NEGR1: variants seen among roughly 807,000 people sequenced by gnomAD.
NEGR1 encodes the protein neuronal growth regulator 1.
NEGR1 carries 10 observed loss-of-function variants against 40.9 expected under a neutral mutation model. The ratio of observed to expected loss-of-function variants is 0.24; its 90% CI spans 0.15 to 0.42. NEGR1 has a LOEUF of 0.42. Among genes scored for constraint, NEGR1 ranks in the 10% least tolerant of loss-of-function variants. The pLI is 1.00. For synonymous variants in NEGR1, 185 were observed against 166.8 expected, an observed-to-expected ratio of 1.11 and a Z score of -0.84; for missense variants, 352 against 438.9, an observed-to-expected ratio of 0.80 and a Z score of 1.77.
chr1:72,176,115 A>G (rs1652154616), intron 1 of NEGR1, among the ~76,000 whole-genome samples: 1 of 152,086 alleles, frequency 6.6e-6, no homozygotes, highest in Non-Finnish European at 1.5e-5. Flanking sequence ...TTAATAGGAA[A>G]GTTAATACAA....
At chr1:71,781,595 T>C (rs1400563601) in intron 2 of NEGR1, among the ~76,000 whole-genome samples, 2 of 152,164 alleles carry the variant, frequency 1.3e-5, no homozygotes, top group Admixed American at 6.5e-5. Flanking sequence ...ATCTGGCTCA[T>C]AAACACTCAC....
chr1:71,720,920 T>C (rs1654489132), intron 3 of NEGR1, among the ~76,000 whole-genome samples: 2 of 152,126 alleles, frequency 1.3e-5, no homozygotes, highest in African/African-American at 4.8e-5. Flanking sequence ...CTTGGAACAA[T>C]GAGGCCAATA....
At chr1:71,437,096 A>T (rs1378077157) in intron 6 of NEGR1, among the ~76,000 whole-genome samples, 2 of 150,046 alleles carry the variant, frequency 1.3e-5, no homozygotes, top group Admixed American at 6.6e-5. Flanking sequence ...CACTATAGGT[A>T]CCTGGCTCAG....
chr1:71,866,027 T>A (rs917790688), intron 2 of NEGR1, among the ~76,000 whole-genome samples: 1 of 152,164 alleles, frequency 6.6e-6, no homozygotes, highest in Non-Finnish European at 1.5e-5. Context: ...TAAAGTATAC[T>A]ATAATTTTCC....
intron 1 of NEGR1, among the ~76,000 whole-genome samples, chr1:72,163,763 TA>T (rs1326201680): frequency 0.027 from 2,730 of 102,562 alleles, 43 homozygotes; most frequent in African/African-American, 0.058. Flanking sequence ...GATAGATAGA[TA>T]TAGATTTAGA....
intron 6 of NEGR1, among the ~76,000 whole-genome samples, chr1:71,565,961 G>T (rs1396455042): frequency 1.3e-5 from 2 of 152,056 alleles, no homozygotes; most frequent in African/African-American, 4.8e-5. Flanking sequence ...CTGACACACA[G>T]AGAAGGCCAT....
In NEGR1 at chr1:71,478,875, C is replaced by A. The variant is rs139303913; in HGVS notation, c.941-71305G>T. ...GGATGATAGATAGGGAAAAAAAAATCTTTCAGTGACACATAGAGTGACACT... is the reference window on the plus strand; with the variant it reads ...GGATGATAGATAGGGAAAAAAAAATATTTCAGTGACACATAGAGTGACACT... On this transcript the variant is annotated intron_variant, in intron 6 of 6. Coordinates refer to ENST00000357731, the MANE Select transcript of NEGR1 (RefSeq NM_173808.3). Among the ~76,000 whole-genome samples the A allele has an allele frequency of 2.2e-3, 328 of 151,984 alleles. 1 individual carries two copies. Among genetic ancestry groups the A allele is most frequent in the African/African-American group, 7.4e-3 (308 of 41,458 alleles).
intron 6 of NEGR1, chr1:71,477,560 T>C (rs1279732744): frequency 6.6e-6 from 1 of 152,318 alleles, no homozygotes; most frequent in Admixed American, 6.6e-5. Context: ...TTCTCTGCTT[T>C]GCTGGGACTT....
At chr1:72,027,042 C>T (rs1182754281) in intron 1 of NEGR1, among the ~76,000 whole-genome samples, 1 of 152,150 alleles carries the variant, frequency 6.6e-6, no homozygotes, top group Non-Finnish European at 1.5e-5. Flanking sequence ...TCTCCCGCCT[C>T]AACGTCCAGA....
chr1:71,724,537 G>A (rs1408601096), intron 3 of NEGR1, among the ~76,000 whole-genome samples: 1 of 152,046 alleles, frequency 6.6e-6, no homozygotes, highest in Non-Finnish European at 1.5e-5. Flanking sequence ...GATGGCATAT[G>A]TTGTTAGTTT....
Position 72,047,215 on chromosome 1 carries a change from T to C in NEGR1, c.177-111904A>G, listed in dbSNP as rs111371318. Among the ~76,000 whole-genome samples the C allele has an allele frequency of 3.3e-3, 495 of 151,428 alleles. 3 individuals carry two copies. Among genetic ancestry groups the C allele is most frequent in the African/African-American group, 0.011 (475 of 41,438 alleles). ...TCCATTTCAGTAAGCATTTCAAGCA[T>C]ACAAGGAAAAGATGAGATTTAATAT... On this transcript the variant is annotated intron_variant, in intron 1 of 6. Coordinates refer to ENST00000357731, the MANE Select transcript of NEGR1 (RefSeq NM_173808.3).
intron 1 of NEGR1, among the ~76,000 whole-genome samples, chr1:72,036,597 A>G (rs1479424502): frequency 6.6e-6 from 1 of 150,940 alleles, no homozygotes; most frequent in Admixed American, 6.6e-5. Flanking sequence ...CGGAGGTTGC[A>G]GTGAGCCGAG....
chr1:72,235,266 G>A (rs1654511070), intron 1 of NEGR1, among the ~76,000 whole-genome samples: 1 of 152,096 alleles, frequency 6.6e-6, no homozygotes, highest in Admixed American at 6.6e-5. Flanking sequence ...AACATATAAT[G>A]TGGTTACAAC....
At chr1:72,212,000 G>T (rs1215832677) in intron 1 of NEGR1, among the ~76,000 whole-genome samples, 1 of 151,874 alleles carries the variant, frequency 6.6e-6, no homozygotes. Context: ...AAATATGTAA[G>T]TGTAGAATAC....
At chr1:72,018,579 C>T (rs1430845941) in intron 1 of NEGR1, among the ~76,000 whole-genome samples, 1 of 152,090 alleles carries the variant, frequency 6.6e-6, no homozygotes, top group Non-Finnish European at 1.5e-5. Context: ...GGGTAAAAAA[C>T]ATCCAAACTG....
rs1289274808 is a variant in NEGR1 at position 72,069,580 on chromosome 1, CTT to C, written c.177-134271_177-134270del. Reference sequence around the variant, plus strand: ...TGAAATGGATATCCACTATCTCTCTCTTACACACACACATGCACACATAGAAC... The same window carrying C: ...TGAAATGGATATCCACTATCTCTCTCACACACACACATGCACACATAGAAC... On this transcript the variant is annotated intron_variant, in intron 1 of 6. Transcript: ENST00000357731. 5.3e-5 allele frequency among the ~76,000 whole-genome samples: 8 copies of C among 152,262 alleles called. No individual in the cohort carries two copies. The East Asian group carries it at 1.4e-3, about 26-fold the overall frequency.
Position 71,933,176 on chromosome 1 carries a change from CA to C in NEGR1, c.409+1902del, listed in dbSNP as rs373175744. ...AAGTTCACCATCGTCTAATGACCAGCAAAAAAGAGTACTATAGTAAGACATG... is the reference window on the plus strand; with the variant it reads ...AAGTTCACCATCGTCTAATGACCAGCAAAAAGAGTACTATAGTAAGACATG... On this transcript the variant is annotated intron_variant, in intron 2 of 6. Transcript: ENST00000357731. Among the ~76,000 whole-genome samples, 51 of 151,682 alleles carry C rather than the reference CA, an allele frequency of 3.4e-4. 1 individual carries two copies. The South Asian group carries it at 1.0e-2, about 30-fold the overall frequency.
Position 71,490,950 on chromosome 1 carries a change from G to T in NEGR1, c.941-83380C>A, listed in dbSNP as rs1003214117. 6.6e-5 allele frequency among the ~76,000 whole-genome samples: 10 copies of T among 151,852 alleles called. No homozygotes were observed. The South Asian group carries it at 1.9e-3, about 28-fold the overall frequency. On this transcript the variant is annotated intron_variant, in intron 6 of 6. Coordinates refer to ENST00000357731, the MANE Select transcript of NEGR1 (RefSeq NM_173808.3). ...TTTGAGTAGGGGTTTTCCATGATGT[G>T]CAGTCCAAAGCATCTTAATGATACA...
chr1:72,237,963 G>T (rs1654612710), intron 1 of NEGR1, among the ~76,000 whole-genome samples: 1 of 151,870 alleles, frequency 6.6e-6, no homozygotes, highest in African/African-American at 2.4e-5. Flanking sequence ...GAGGTGCATA[G>T]TGGGTTTTCA....
Sources: gnomAD v4.1 joint callset for allele counts (sites outside exome capture counted in the v4.1 genomes callset) on GRCh38, gnomAD v4.1.1 for gene constraint, MANE v1.5 for transcripts, NCBI Gene and HGNC (gene_info 2026-07-23, HGNC 2026-07-21) for gene names.